The following LINGO2 variants were observed in gnomAD, a reference collection of about 807,000 sequenced individuals.
The protein encoded by LINGO2 is leucine-rich repeat and immunoglobulin-like domain-containing nogo receptor-interacting protein 2.
In LINGO2, 14 loss-of-function variants were observed where a neutral mutation model predicts 30.6. The ratio of observed to expected loss-of-function variants is 0.46; its 90% CI spans 0.30 to 0.72. The LOEUF (loss-of-function observed/expected upper bound fraction) is 0.72, where lower values mean the gene tolerates loss of function less well. Among genes scored for constraint, LINGO2 ranks in the 30% least tolerant of loss-of-function variants. The pLI, the probability that LINGO2 is intolerant of heterozygous loss-of-function variation, is 0.07. For synonymous variants in LINGO2, 317 were observed against 288.5 expected, an observed-to-expected ratio of 1.10 and a Z score of -1.00; for missense variants, 729 against 751.7, an observed-to-expected ratio of 0.97 and a Z score of 0.35.
At chr9:28,653,313 C>A (rs1204090872) in intron 1 of LINGO2, among the ~76,000 whole-genome samples, 1 of 151,964 alleles carries the variant, frequency 6.6e-6, no homozygotes, top group Non-Finnish European at 1.5e-5. Context: ...TCTTCAGTCA[C>A]CTTGGCAAAA....
intron 4 of LINGO2, among the ~76,000 whole-genome samples, chr9:28,285,398 ATTTTTT>A (rs34034595): frequency 1.3e-5 from 1 of 76,166 alleles, no homozygotes; most frequent in African/African-American, 5.3e-5. Flanking sequence ...GCCCAAGATC[ATTTTTT>A]TTTTTTTTTT....
At chr9:28,063,759 G>A (rs572650215) in intron 4 of LINGO2, among the ~76,000 whole-genome samples, 1 of 152,072 alleles carries the variant, frequency 6.6e-6, no homozygotes, top group Non-Finnish European at 1.5e-5. Flanking sequence ...ATTTCTCCAA[G>A]ACCATTTTCC....
chr9:28,065,901 T>C (rs1430346555), intron 4 of LINGO2, among the ~76,000 whole-genome samples: 3 of 152,052 alleles, frequency 2.0e-5, no homozygotes, highest in African/African-American at 7.2e-5. Flanking sequence ...TGTTCACAAG[T>C]ACAGGGAACA....
the LINGO2 span, among the ~76,000 whole-genome samples, chr9:28,898,973 T>G: frequency 6.6e-6 from 1 of 152,160 alleles, no homozygotes; most frequent in Non-Finnish European, 1.5e-5. Flanking sequence ...TTGAAACGTT[T>G]TATGGTGAAG....
chr9:28,670,635 A>C (rs80172821), upstream of LINGO2, among the ~76,000 whole-genome samples: 3,991 of 152,266 alleles, frequency 0.026, 178 homozygotes, highest in African/African-American at 0.09. Flanking sequence ...TTTTCTAGTC[A>C]TGATGCTAAG....
chr9:28,724,788 T>A, the LINGO2 span, among the ~76,000 whole-genome samples: 12 of 152,094 alleles, frequency 7.9e-5, no homozygotes, highest in African/African-American at 2.7e-4. Flanking sequence ...AAAGAGCAAT[T>A]GGTTCATAAG....
chr9:29,085,799 C>T, the LINGO2 span, among the ~76,000 whole-genome samples: 4 of 151,956 alleles, frequency 2.6e-5, no homozygotes, highest in Non-Finnish European at 5.9e-5. Context: ...AATGTTTATC[C>T]ACTACTTATC....
chr9:27,954,659 A>G (rs7863813), intron 5 of LINGO2, among the ~76,000 whole-genome samples: 96,353 of 152,034 alleles, frequency 0.63, 30,792 homozygotes, highest in East Asian at 0.81. Context: ...AAACATGGGC[A>G]TACAGATATA....
chr9:28,626,761 T>C (rs1485980553), intron 1 of LINGO2, among the ~76,000 whole-genome samples: 4 of 152,022 alleles, frequency 2.6e-5, no homozygotes, highest in African/African-American at 9.7e-5. Context: ...ATTGTTTTTT[T>C]CTACATTGTT....
intron 1 of LINGO2, among the ~76,000 whole-genome samples, chr9:28,504,980 T>C (rs976957683): frequency 6.6e-5 from 10 of 151,686 alleles, no homozygotes; most frequent in Admixed American, 6.6e-4. Context: ...ACCAAAATGA[T>C]TGCAGGGAAG....
chr9:28,417,872 A>T (rs989289806), intron 2 of LINGO2, among the ~76,000 whole-genome samples: 4 of 152,202 alleles, frequency 2.6e-5, no homozygotes, highest in African/African-American at 9.6e-5. Context: ...AAAAATATAT[A>T]GCAAAAGGTA....
At chr9:28,049,354 AGG>A in intron 4 of LINGO2, among the ~76,000 whole-genome samples, 1 of 150,894 alleles carries the variant, frequency 6.6e-6, no homozygotes, top group Middle Eastern at 3.2e-3. Context: ...TACTAGGGTT[AGG>A]CTATTTTAGA....
the LINGO2 span, among the ~76,000 whole-genome samples, chr9:28,957,921 C>A: frequency 6.6e-6 from 1 of 152,098 alleles, no homozygotes; most frequent in Non-Finnish European, 1.5e-5. Context: ...CATCTGAATG[C>A]TTATAATAAG....
the LINGO2 span, among the ~76,000 whole-genome samples, chr9:28,813,786 G>T: frequency 3.9e-5 from 6 of 152,158 alleles, no homozygotes; most frequent in East Asian, 9.6e-4. Context: ...ATCAAAGAGG[G>T]TCTGTGAGTT....
chr9:28,864,875 G>C, the LINGO2 span, among the ~76,000 whole-genome samples: 1 of 152,014 alleles, frequency 6.6e-6, no homozygotes, highest in Non-Finnish European at 1.5e-5. Flanking sequence ...TTAGATGCTG[G>C]GGATATAAAA....
At chr9:29,043,899 A>G in the LINGO2 span, among the ~76,000 whole-genome samples, 66,520 of 151,784 alleles carry the variant, frequency 0.44, 14,691 homozygotes, top group East Asian at 0.54. Flanking sequence ...GCTACTCATA[A>G]ATAATGCAAG....
At chr9:28,005,536 G>A (rs1210220320) in intron 5 of LINGO2, among the ~76,000 whole-genome samples, 1 of 151,906 alleles carries the variant, frequency 6.6e-6, no homozygotes, top group Non-Finnish European at 1.5e-5. Context: ...GGTATTCGGT[G>A]TTCCAAATTG....
chr9:28,120,982 G>T (rs1827078964), intron 4 of LINGO2, among the ~76,000 whole-genome samples: 2 of 152,132 alleles, frequency 1.3e-5, no homozygotes, highest in African/African-American at 2.4e-5. Context: ...AAAAACATCT[G>T]TTACATATTG....
the LINGO2 span, among the ~76,000 whole-genome samples, chr9:28,875,303 G>A: frequency 8.6e-5 from 13 of 151,882 alleles, no homozygotes; most frequent in Admixed American, 2.6e-4. Context: ...GAATATGTGC[G>A]TGCATGTCTG....
Sources: allele counts gnomAD v4.1 joint callset (sites outside exome capture counted in the v4.1 genomes callset), GRCh38; gene constraint gnomAD v4.1.1; transcripts MANE v1.5; gene names NCBI Gene and HGNC (gene_info 2026-07-23, HGNC 2026-07-21).